LRRK1: variants seen among roughly 807,000 people sequenced by gnomAD.
The protein encoded by LRRK1 is leucine rich repeat kinase 1, also known as leucine-rich repeat serine/threonine-protein kinase 1.
A neutral mutation model predicts 209.1 loss-of-function variants in LRRK1; 113 were observed. That is an observed-to-expected ratio of 0.54 (90% confidence interval 0.46 to 0.63). LRRK1 has a LOEUF of 0.63. Among genes scored for constraint, LRRK1 ranks in the 30% least tolerant of loss-of-function variants. The probability of loss-of-function intolerance (pLI) is 0.00; values close to 1 mark genes in which losing one functional copy is unlikely to be tolerated. For missense variants in LRRK1, 2,284 were observed against 2,632.2 expected, an observed-to-expected ratio of 0.87 and a Z score of 2.89; for synonymous variants, 1,144 against 1,099.7, an observed-to-expected ratio of 1.04 and a Z score of -0.80.
At chr15:101,016,231 AC>A (rs1388193780) in intron 12 of LRRK1, among the ~76,000 whole-genome samples, 1 of 151,090 alleles carries the variant, frequency 6.6e-6, no homozygotes, top group Non-Finnish European at 1.5e-5. Flanking sequence ...TAAGGGCCCC[AC>A]CCTCATGACC....
chr15:101,009,285 G>A (rs1026058464), intron 7 of LRRK1, among the ~76,000 whole-genome samples: 1 of 152,248 alleles, frequency 6.6e-6, no homozygotes, highest in African/African-American at 2.4e-5. Flanking sequence ...GCTCACCCGG[G>A]GACATGCGAA....
intron 3 of LRRK1, 191 bp downstream of exon 3, chr15:100,974,158 A>C: frequency 4.6e-6 from 2 of 432,136 alleles, no homozygotes; most frequent in East Asian, 3.6e-5. Flanking sequence ...GATATCACCT[A>C]AGCAGGCCCC....
Position 101,070,007 on chromosome 15 carries a change from G to T in LRRK1, c.*1159G>T, listed in dbSNP as rs758057907. On this transcript the variant is annotated 3_prime_UTR_variant, in exon 34 of 34. Transcript: ENST00000388948. ...AGAGATCATACTCCAGCTGAAGTTT[G>T]TTGACCCTTTTCTAAAATTAAAAAG... The T allele has an allele frequency of 6.6e-6, 1 of 152,250 alleles. No individual in the cohort carries two copies. The highest frequency in any genetic ancestry group is 2.4e-5 in the African/African-American group (1 of 41,462). 9.4% of individuals were successfully genotyped at this position (152,250 alleles called of 1,614,324 possible). A position where few individuals can be genotyped will look rare whatever the true frequency, so the allele number is the denominator to read the frequency against.
At chr15:101,067,376 G>A (rs999867835) in intron 33 of LRRK1, 12 of 447,526 alleles carry the variant, frequency 2.7e-5, no homozygotes, top group Non-Finnish European at 5.4e-5. Context: ...TTTGACTACC[G>A]AGCCCCACAC....
intron 2 of LRRK1, among the ~76,000 whole-genome samples, chr15:100,961,425 C>A (rs944603666): frequency 6.6e-5 from 10 of 152,080 alleles, no homozygotes; most frequent in Non-Finnish European, 1.3e-4. Context: ...GAGGCCAAGG[C>A]GGGCAGATCA....
At chr15:101,019,572 A>T (rs1249537352) in intron 12 of LRRK1, among the ~76,000 whole-genome samples, 1 of 152,132 alleles carries the variant, frequency 6.6e-6, no homozygotes. Flanking sequence ...ATGTTCTCAG[A>T]GGCCAGGTTA....
intron 7 of LRRK1, 71 bp downstream of exon 7, chr15:101,009,134 C>T: frequency 1.6e-6 from 2 of 1,228,630 alleles, no homozygotes; most frequent in Non-Finnish European, 1.2e-6. Context: ...CACATGCTCC[C>T]GGGTTGTATT....
At chr15:101,049,435 C>T (rs13329492) in intron 22 of LRRK1, 77,816 of 509,040 alleles carry the variant, frequency 0.15, 6,810 homozygotes, top group African/African-American at 0.28. Flanking sequence ...CAATCTTCCT[C>T]GTGCCTCCTT....
At chr15:101,002,900 T>A (rs1169664493) in intron 6 of LRRK1, among the ~76,000 whole-genome samples, 1 of 152,148 alleles carries the variant, frequency 6.6e-6, no homozygotes, top group Non-Finnish European at 1.5e-5. Context: ...CTGGTTATTT[T>A]TTCATATTTT....
rs953831776 is a variant in LRRK1 at position 101,022,183 on chromosome 15, T to G, written c.1853-200T>G. Among the ~76,000 whole-genome samples the G allele has an allele frequency of 6.6e-6, 1 of 152,104 alleles. No homozygotes were observed. Among genetic ancestry groups the G allele is most frequent in the Non-Finnish European group, 1.5e-5 (1 of 68,014 alleles). ...CTGTGACCTCCTGGGCAGCAAGGATTTTGTCCATAGGTTCTTGCCTCTTAG... is the reference window on the plus strand; with the variant it reads ...CTGTGACCTCCTGGGCAGCAAGGATGTTGTCCATAGGTTCTTGCCTCTTAG... On this transcript the variant is annotated intron_variant, in intron 14 of 33. Transcript: ENST00000388948. This position sits in a 1 kb window ranked among gnomAD's most constrained non-coding sequence, Gnocchi z 4.0.
At position 101,067,375 on chromosome 15, in the gene LRRK1, C is replaced by T. The variant is rs28455598; in HGVS notation, c.5870+634C>T. On this transcript the variant is annotated intron_variant, in intron 33 of 33. Transcript: ENST00000388948. ...TGTTTACACCCCGCACTTTGACTAC[C>T]GAGCCCCACACGGTAAATCTCCCCT... 1,205 of 448,256 alleles carry T rather than the reference C, an allele frequency of 2.7e-3. 8 individuals are homozygous for T. The highest frequency in any genetic ancestry group is 0.018 in the African/African-American group (906 of 49,990). The allele number at this position is 448,256 out of a possible 1,614,324, so 27.8% of individuals were successfully genotyped here. A position where few individuals can be genotyped will look rare whatever the true frequency, so the allele number is the denominator to read the frequency against.
rs764516618 is a variant in LRRK1 at position 101,008,893 on chromosome 15, C to G, written c.819C>G (p.Leu273=). Residue 273 remains leucine, a synonymous_variant, in exon 7 of 34, where the codon CTC becomes CTG. Coordinates refer to ENST00000388948, the MANE Select transcript of LRRK1 (RefSeq NM_024652.6). ...TGCCCTGGGTAGACCTAGACTGGCT[C>G]ATAGACATCTCCTGCCAGATCACGG... The part of the protein sequence containing the change: ...LRLPWVDLDW[L]IDISCQITEL... 1.2e-6 allele frequency: 2 copies of G among 1,614,244 alleles called. No homozygotes were observed. Among genetic ancestry groups the G allele is most frequent in the African/African-American group, 2.7e-5 (2 of 75,068 alleles).
At chr15:100,951,427 A>C (rs1016384455) in intron 2 of LRRK1, among the ~76,000 whole-genome samples, 2 of 152,178 alleles carry the variant, frequency 1.3e-5, no homozygotes, top group African/African-American at 4.8e-5. Flanking sequence ...TGACCCAGCA[A>C]TTCCACTCCT....
At chr15:100,956,455 C>CTTTTTCTTTTT in intron 2 of LRRK1, among the ~76,000 whole-genome samples, 76 of 60,356 alleles carry the variant, frequency 1.3e-3, no homozygotes, top group South Asian at 4.5e-3. Flanking sequence ...TTTTTTTTTT[C>CTTTTTCTTTTT]TTTTTTTTTT....
chr15:101,032,240 C>CT (rs1259139868), intron 20 of LRRK1, among the ~76,000 whole-genome samples: 3 of 152,050 alleles, frequency 2.0e-5, no homozygotes, highest in African/African-American at 7.2e-5. Flanking sequence ...GAATGTTTTC[C>CT]TTTTTGGTAC....
At chr15:100,938,885 A>C (rs771924576) in intron 2 of LRRK1, among the ~76,000 whole-genome samples, 4 of 152,018 alleles carry the variant, frequency 2.6e-5, no homozygotes, top group Non-Finnish European at 4.4e-5. Context: ...TGAGGTCAGG[A>C]GTTTGGGACC....
intron 21 of LRRK1, 54 bp from the exon 22 acceptor site, chr15:101,048,440 A>G: frequency 6.5e-7 from 1 of 1,533,948 alleles, no homozygotes; most frequent in East Asian, 2.4e-5. Flanking sequence ...AGCTCTGCCC[A>G]GGGCCAGCGA....
intron 21 of LRRK1, among the ~76,000 whole-genome samples, chr15:101,047,998 ATG>A (rs976778258): frequency 2.0e-5 from 3 of 152,120 alleles, no homozygotes; most frequent in African/African-American, 7.2e-5. Context: ...AATGAATTTT[ATG>A]TGTGTTTTTA....
intron 2 of LRRK1, among the ~76,000 whole-genome samples, chr15:100,952,290 A>G (rs1408328120): frequency 6.6e-6 from 1 of 152,244 alleles, no homozygotes; most frequent in Non-Finnish European, 1.5e-5. Context: ...TGAATTGTAC[A>G]CTTTTAAATG....
Sources: gnomAD v4.1 joint callset for allele counts (sites outside exome capture counted in the v4.1 genomes callset) on GRCh38, gnomAD v4.1.1 for gene constraint, Gnocchi (gnomAD v3.1) non-coding constraint, MANE v1.5 for transcripts, NCBI Gene and HGNC (gene_info 2026-07-23, HGNC 2026-07-21) for gene names.